Variants in HEPHL1 observed in about 807,000 individuals in gnomAD.
HEPHL1 encodes hephaestin like 1.
A neutral mutation model predicts 122.0 loss-of-function variants in HEPHL1; 123 were observed. The observed-to-expected ratio is 1.01, with a 90% CI of 0.87 to 1.17. HEPHL1 has a LOEUF of 1.17. Ranked by LOEUF, HEPHL1 falls within the 50% of genes most tolerant of loss-of-function variation. HEPHL1 has a pLI of 0.00. For missense variants in HEPHL1, 1,452 were observed against 1,430.5 expected, an observed-to-expected ratio of 1.01 and a Z score of -0.24; for synonymous variants, 527 against 508.9, an observed-to-expected ratio of 1.04 and a Z score of -0.48.
At chr11:94,068,882 C>T (rs191314582) in intron 5 of HEPHL1, among the ~76,000 whole-genome samples, 1 of 152,290 alleles carries the variant, frequency 6.6e-6, no homozygotes, top group African/African-American at 2.4e-5. Flanking sequence ...CCCATAGTCA[C>T]TAATAGGTGC....
chr11:94,093,977 T>G (rs879297785), intron 13 of HEPHL1, among the ~76,000 whole-genome samples: 7,694 of 61,002 alleles, frequency 0.13, 575 homozygotes, highest in Admixed American at 0.14. Context: ...AGCAGATATA[T>G]ATATATATAT....
At chr11:94,109,823 G>T (rs552649077) in intron 17 of HEPHL1, among the ~76,000 whole-genome samples, 3 of 152,072 alleles carry the variant, frequency 2.0e-5, no homozygotes, top group African/African-American at 7.2e-5. Context: ...TTTAGTTTTG[G>T]TATCACAGTA....
intron 1 of HEPHL1, among the ~76,000 whole-genome samples, chr11:94,034,927 A>G (rs1225217001): frequency 6.6e-6 from 1 of 152,230 alleles, no homozygotes; most frequent in Non-Finnish European, 1.5e-5. Flanking sequence ...GTGGGCAGGT[A>G]TGATGAAAAG....
rs1451709997 is a variant in HEPHL1 at position 94,105,055 on chromosome 11, A to T, written c.2905+305A>T. Among the ~76,000 whole-genome samples, 5 of 152,346 alleles carry T rather than the reference A, an allele frequency of 3.3e-5. 1 individual carries two copies. The Middle Eastern group carries it at 0.01, about 311-fold the overall frequency. ...AATCATCATTTATTGTCATATTTTTATAAGAATATGCCATAACTTCTATTT... is the reference window on the plus strand; with the variant it reads ...AATCATCATTTATTGTCATATTTTTTTAAGAATATGCCATAACTTCTATTT... On this transcript the variant is annotated intron_variant, in intron 16 of 19. Transcript: ENST00000315765.
chr11:94,106,293 CTTTT>C (rs11315401), intron 17 of HEPHL1, among the ~76,000 whole-genome samples, 163 bp downstream of exon 17: 3 of 121,952 alleles, frequency 2.5e-5, no homozygotes, highest in African/African-American at 3.1e-5. Context: ...TATTTCTTTT[CTTTT>C]TTTTTTTTTT....
At chr11:94,024,086 C>G (rs1241489714) in intron 1 of HEPHL1, among the ~76,000 whole-genome samples, 1 of 152,164 alleles carries the variant, frequency 6.6e-6, no homozygotes, top group African/African-American at 2.4e-5. Context: ...CTCTCAGCCT[C>G]CTGGAGGGTG....
In HEPHL1 at chr11:94,097,764, G is replaced by T. The variant is rs1047397923; in HGVS notation, c.2435-3431G>T. ...TCTTGTTGAATTGATCCCTTTACCAGTATGTAATGGCCTTCTTTGTCTCTT... is the reference window on the plus strand; with the variant it reads ...TCTTGTTGAATTGATCCCTTTACCATTATGTAATGGCCTTCTTTGTCTCTT... On this transcript the variant is annotated intron_variant, in intron 13 of 19. Transcript: ENST00000315765. 8.5e-5 allele frequency among the ~76,000 whole-genome samples: 13 copies of T among 152,226 alleles called. No individual in the cohort carries two copies. The East Asian group carries it at 1.2e-3, about 14-fold the overall frequency.
intron 10 of HEPHL1, among the ~76,000 whole-genome samples, chr11:94,082,815 G>C (rs1056695513): frequency 6.6e-6 from 1 of 152,126 alleles, no homozygotes; most frequent in Non-Finnish European, 1.5e-5. Flanking sequence ...TTAAACTAGC[G>C]GCCAGGCACA....
intron 2 of HEPHL1, among the ~76,000 whole-genome samples, chr11:94,048,703 GT>G (rs1423946573): frequency 6.6e-6 from 1 of 152,052 alleles, no homozygotes; most frequent in Non-Finnish European, 1.5e-5. Context: ...GGTTCTCAGA[GT>G]CCCTGAAAAC....
intron 9 of HEPHL1, 150 bp from the exon 10 acceptor site, chr11:94,082,268 G>C (rs1946177150): frequency 2.0e-6 from 1 of 505,586 alleles, no homozygotes; most frequent in East Asian, 3.3e-5. Context: ...GCAACATTCA[G>C]TATCTTTATT....
chr11:94,093,971 GATATATATATATATATATATATATAT>G lies in HEPHL1; in HGVS notation c.2434+349_2434+374del, dbSNP rs201036709. ...AAATTTTCTTTTAAATCCTCCAGCA[GATATATATATATATATATATATATAT>G]ATATATATATATATATAAAACTTTA... On this transcript the variant is annotated intron_variant, in intron 13 of 19. Coordinates refer to ENST00000315765, the MANE Select transcript of HEPHL1 (RefSeq NM_001098672.2). 1.1e-3 allele frequency among the ~76,000 whole-genome samples: 78 copies of G among 72,746 alleles called. 2 individuals are homozygous for G. Among genetic ancestry groups the G allele is most frequent in the Admixed American group, 2.4e-3 (18 of 7,550 alleles). The allele number at this position is 72,746 out of a possible 152,430, so 47.7% of individuals were successfully genotyped here.
Position 94,070,369 on chromosome 11 carries a change from T to A in HEPHL1, c.1064-5T>A, listed in dbSNP as rs1027676694. Reference sequence around the variant, plus strand: ...CTCAGCTCGTGGTTTTCCTCTGTTCTGCAGCTGGTATGCTGGGGCAATACA... The same window carrying A: ...CTCAGCTCGTGGTTTTCCTCTGTTCAGCAGCTGGTATGCTGGGGCAATACA... On this transcript the variant is annotated splice_region_variant and splice_polypyrimidine_tract_variant and intron_variant, in intron 5 of 19. Transcript: ENST00000315765. 2 of 1,584,672 alleles carry A rather than the reference T, an allele frequency of 1.3e-6. No individual in the cohort carries two copies. The highest frequency in any genetic ancestry group is 2.7e-5 in the African/African-American group (2 of 74,536).
intron 1 of HEPHL1, among the ~76,000 whole-genome samples, chr11:94,031,725 C>CG (rs1310101543): frequency 1.3e-5 from 2 of 152,210 alleles, no homozygotes; most frequent in African/African-American, 4.8e-5. Flanking sequence ...GCTTCTCCAT[C>CG]GGGGGTCTAA....
At chr11:94,041,502 C>T (rs1322317558) in intron 1 of HEPHL1, among the ~76,000 whole-genome samples, 1 of 122,004 alleles carries the variant, frequency 8.2e-6, no homozygotes, top group East Asian at 2.3e-4. Context: ...ACCAAAACAG[C>T]ATGGTACTGG....
Position 94,063,657 on chromosome 11 carries a change from C to T in HEPHL1, c.565C>T (p.His189Tyr), listed in dbSNP as rs763963491. ...CTGCCTGACCTGGGTGTACCATTCG[C>T]ACATCGACGCCCCAAAGGACATCTG... ...ANCLTWVYHS[H>Y]IDAPKDICSG... The change falls in exon 3 of 20, where the codon CAC becomes TAC. Residue 189 changes from histidine to tyrosine, a missense_variant. By Grantham distance (83) the His-to-Tyr change is moderately conservative (BLOSUM62 2). Coordinates refer to ENST00000315765, the MANE Select transcript of HEPHL1 (RefSeq NM_001098672.2). 1.9e-6 allele frequency: 3 copies of T among 1,613,844 alleles called. No homozygotes were observed. Among genetic ancestry groups the T allele is most frequent in the Non-Finnish European group, 1.7e-6 (2 of 1,179,834 alleles).
At chr11:94,094,843 G>A (rs1946297078) in intron 13 of HEPHL1, among the ~76,000 whole-genome samples, 2 of 151,676 alleles carry the variant, frequency 1.3e-5, no homozygotes, top group Admixed American at 6.6e-5. Flanking sequence ...TGTTGATAGG[G>A]TTGTTTTTTT....
At chr11:94,044,726 C>T (rs984056107) in intron 1 of HEPHL1, among the ~76,000 whole-genome samples, 2 of 151,912 alleles carry the variant, frequency 1.3e-5, no homozygotes, top group Non-Finnish European at 2.9e-5. Flanking sequence ...AATTGTCTGA[C>T]CTCTTGTAAC....
At chr11:94,022,855 A>G (rs1024049306) in intron 1 of HEPHL1, among the ~76,000 whole-genome samples, 6 of 152,248 alleles carry the variant, frequency 3.9e-5, no homozygotes, top group African/African-American at 1.4e-4. Context: ...TCAGTAGGAA[A>G]CAGTCAATGT....
At chr11:94,052,301 T>G (rs57953549) in intron 2 of HEPHL1, among the ~76,000 whole-genome samples, 6,063 of 152,114 alleles carry the variant, frequency 0.04, 305 homozygotes, top group East Asian at 0.2. Context: ...CTTTCATCAG[T>G]GTTTTATAGT....
Sources: gnomAD v4.1 joint callset for allele counts (sites outside exome capture counted in the v4.1 genomes callset) on GRCh38, gnomAD v4.1.1 for gene constraint, MANE v1.5 for transcripts, NCBI Gene and HGNC (gene_info 2026-07-23, HGNC 2026-07-21) for gene names.